MPRIP: variants seen among roughly 807,000 people sequenced by gnomAD.
The protein encoded by MPRIP is myosin phosphatase Rho interacting protein, also known as myosin phosphatase Rho-interacting protein.
Under a neutral mutation model 234.9 loss-of-function variants are expected in MPRIP, and 59 were observed. That is an observed-to-expected ratio of 0.25 (90% CI 0.20 to 0.31). The LOEUF (loss-of-function observed/expected upper bound fraction) is 0.31, where lower values mean the gene tolerates loss of function less well. Ranked by LOEUF, MPRIP falls within the 10% of genes least tolerant of loss-of-function variation. The pLI is 1.00. For synonymous variants in MPRIP, 1,144 were observed against 1,263.9 expected (o/e 0.91, Z 2.01); for missense variants, 2,436 against 3,071.0 (o/e 0.79, Z 4.89).
chr17:17,154,746 C>T (rs2045690334), intron 13 of MPRIP, among the ~76,000 whole-genome samples: 1 of 152,254 alleles, frequency 6.6e-6, no homozygotes, highest in Non-Finnish European at 1.5e-5. Context: ...TCGGTGCTCT[C>T]AGGCCTTGGG....
intron 3 of MPRIP, among the ~76,000 whole-genome samples, chr17:17,119,971 C>T (rs1189293914): frequency 6.6e-6 from 1 of 152,208 alleles, no homozygotes; most frequent in Non-Finnish European, 1.5e-5. Context: ...CTCAGGACCT[C>T]AGGTGTGGGG....
chr17:17,073,783 G>C (rs866920140), intron 1 of MPRIP, among the ~76,000 whole-genome samples: 14 of 152,182 alleles, frequency 9.2e-5, no homozygotes, highest in African/African-American at 3.4e-4. Flanking sequence ...GCTGGAGTTC[G>C]TAGAGAGCAC....
chr17:17,051,154 A>G (rs2088528185), intron 1 of MPRIP, among the ~76,000 whole-genome samples: 1 of 152,190 alleles, frequency 6.6e-6, no homozygotes, highest in South Asian at 2.1e-4. Context: ...ATGTTCCAGG[A>G]AGCACGCTGG....
intron 3 of MPRIP, among the ~76,000 whole-genome samples, chr17:17,123,215 A>G (rs1157488029): frequency 6.6e-6 from 1 of 152,204 alleles, no homozygotes; most frequent in African/African-American, 2.4e-5. Context: ...ACAGGTGTCA[A>G]AGGGAAGTGA....
chr17:17,132,499 C>T (rs2090617042), intron 5 of MPRIP, among the ~76,000 whole-genome samples: 1 of 152,316 alleles, frequency 6.6e-6, no homozygotes, highest in East Asian at 1.9e-4. Flanking sequence ...CATAGTCACC[C>T]GAGAGGGAGC....
Position 17,078,154 on chromosome 17 carries a change from TGA to T in MPRIP, c.267+82_267+83del. On this transcript the variant is annotated intron_variant, in intron 3 of 23. Coordinates refer to ENST00000651222, the MANE Select transcript of MPRIP (RefSeq NM_001364716.4). The surrounding 1 kb of genome is among the most constrained non-coding windows in gnomAD (Gnocchi z 4.3). ...ATTACAGTGCCCTTGCGTTGTCATGTGAGAGCACAGCAGCCATGTGCTCCTGC... is the reference window on the plus strand; with the variant it reads ...ATTACAGTGCCCTTGCGTTGTCATGTGAGCACAGCAGCCATGTGCTCCTGC... 1.4e-6 allele frequency: 2 copies of T among 1,445,006 alleles called. No homozygotes were observed. The highest frequency in any genetic ancestry group is 9.7e-7 in the Non-Finnish European group (1 of 1,029,738). The allele number at this position is 1,445,006 out of a possible 1,614,324, so 89.5% of individuals were successfully genotyped here. A position where few individuals can be genotyped will look rare whatever the true frequency, so the allele number is the denominator to read the frequency against.
At chr17:17,131,559 C>A in intron 4 of MPRIP, 58 bp from the exon 5 acceptor site, 1 of 1,474,392 alleles carries the variant, frequency 6.8e-7, no homozygotes, top group Non-Finnish European at 9.5e-7. Flanking sequence ...AGGGCCAGGG[C>A]TCCTAGTCCC....
At chr17:17,118,604 A>G (rs2090330107) in intron 3 of MPRIP, among the ~76,000 whole-genome samples, 1 of 152,160 alleles carries the variant, frequency 6.6e-6, no homozygotes, top group Non-Finnish European at 1.5e-5. Context: ...TGTGGAGTAC[A>G]CCAGGACTGG....
chr17:17,085,920 A>G (rs942631631), intron 3 of MPRIP, among the ~76,000 whole-genome samples: 10 of 152,166 alleles, frequency 6.6e-5, no homozygotes, highest in African/African-American at 2.4e-4. Context: ...CTCAAAACAA[A>G]AAGGAATACA....
chr17:17,083,060 C>T (rs541759721), intron 3 of MPRIP, among the ~76,000 whole-genome samples: 22 of 152,330 alleles, frequency 1.4e-4, no homozygotes, highest in African/African-American at 5.1e-4. Context: ...TGCTGAGGGC[C>T]GGCCTCCATG....
At chr17:17,153,793 C>T (rs2045662726) in intron 12 of MPRIP, among the ~76,000 whole-genome samples, 5 of 152,250 alleles carry the variant, frequency 3.3e-5, no homozygotes, top group Admixed American at 3.3e-4. Flanking sequence ...TTCTCAGTGC[C>T]ACCAACAAGA....
chr17:17,071,303 AG>A (rs2089187702), intron 1 of MPRIP, among the ~76,000 whole-genome samples: 1 of 151,732 alleles, frequency 6.6e-6, no homozygotes, highest in African/African-American at 2.4e-5. Flanking sequence ...AGCTATGGAA[AG>A]TAGCTTTTTG....
intron 3 of MPRIP, among the ~76,000 whole-genome samples, chr17:17,124,280 A>C (rs1190200120): frequency 6.6e-6 from 1 of 152,190 alleles, no homozygotes; most frequent in African/African-American, 2.4e-5. Flanking sequence ...ATTTGGTGAC[A>C]CTGAACCCTG....
At chr17:17,169,081 CA>C (rs1254444308) in intron 16 of MPRIP, 1 of 440,356 alleles carries the variant, frequency 2.3e-6, no homozygotes, top group Non-Finnish European at 4.6e-6. Flanking sequence ...AGCTCTTTTT[CA>C]CCATTCTTTC....
intron 3 of MPRIP, among the ~76,000 whole-genome samples, chr17:17,093,338 A>G (rs1320100151): frequency 1.3e-5 from 2 of 152,192 alleles, no homozygotes; most frequent in African/African-American, 2.4e-5. Context: ...TTTATTTCCA[A>G]TGAAGAATTT....
At chr17:17,170,648 T>C (rs1466476652) in intron 16 of MPRIP, among the ~76,000 whole-genome samples, 1 of 152,116 alleles carries the variant, frequency 6.6e-6, no homozygotes, top group Non-Finnish European at 1.5e-5. Context: ...CAGCCCAGAG[T>C]GGGGAAACCC....
At chr17:17,132,149 A>G (rs996204112) in intron 5 of MPRIP, among the ~76,000 whole-genome samples, 16 of 152,136 alleles carry the variant, frequency 1.1e-4, no homozygotes, top group African/African-American at 3.6e-4. Flanking sequence ...TGCAACTCCC[A>G]TGTGACCTGA....
Position 17,144,781 on chromosome 17 carries a change from G to A in MPRIP, c.1503+1112G>A, listed in dbSNP as rs573833332. On this transcript the variant is annotated intron_variant, in intron 9 of 23. Coordinates refer to ENST00000651222, the MANE Select transcript of MPRIP (RefSeq NM_001364716.4). ...TGAGGCAGGAGAATCGCTTGAACCCGGGAGGCGGAGGTTGCAGTGAGCTGA... is the reference window on the plus strand; with the variant it reads ...TGAGGCAGGAGAATCGCTTGAACCCAGGAGGCGGAGGTTGCAGTGAGCTGA... Among the ~76,000 whole-genome samples the A allele has an allele frequency of 2.0e-5, 3 of 152,286 alleles. No homozygotes were observed. The South Asian group carries it at 6.2e-4, about 32-fold the overall frequency.
At chr17:17,063,644 A>G (rs1196283988) in intron 1 of MPRIP, among the ~76,000 whole-genome samples, 4 of 152,134 alleles carry the variant, frequency 2.6e-5, no homozygotes, top group Non-Finnish European at 5.9e-5. Flanking sequence ...CTTTCTCCCC[A>G]CCCACTGCAG....
Sources: allele counts gnomAD v4.1 joint callset (sites outside exome capture counted in the v4.1 genomes callset), GRCh38; gene constraint gnomAD v4.1.1; non-coding constraint Gnocchi (gnomAD v3.1); transcripts MANE v1.5; gene names NCBI Gene and HGNC (gene_info 2026-07-23, HGNC 2026-07-21).